Variants in ATP2A3 observed in about 807,000 individuals in gnomAD.
ATP2A3 encodes ATPase sarcoplasmic/endoplasmic reticulum Ca2+ transporting 3, also known as sarcoplasmic/endoplasmic reticulum calcium ATPase 3.
In ATP2A3, 61 loss-of-function variants were observed where a neutral mutation model predicts 106.8. The observed-to-expected ratio is 0.57, with a 90% CI of 0.46 to 0.71. The LOEUF (loss-of-function observed/expected upper bound fraction) is 0.71. Ranked by LOEUF, ATP2A3 falls within the 30% of genes least tolerant of loss-of-function variation. The pLI is 0.00. For synonymous variants in ATP2A3, 611 were observed against 609.3 expected (o/e 1.00, Z -0.04); for missense variants, 1,201 against 1,423.5 (o/e 0.84, Z 2.52).
intron 11 of ATP2A3, 48 bp downstream of exon 11, chr17:3,943,343 G>T: frequency 6.2e-7 from 1 of 1,609,080 alleles, no homozygotes. Context: ...AGATGTCCCA[G>T]AAGCCCCAGC....
Position 3,936,720 on chromosome 17 carries a change from GTACA to G in ATP2A3, c.2322-255_2322-252del. 2.2e-6 allele frequency: 1 copy of G among 450,366 alleles called. No individual in the cohort carries two copies. The highest frequency in any genetic ancestry group is 2.1e-5 in the South Asian group (1 of 48,058). The allele number at this position is 450,366 out of a possible 1,614,324, so 27.9% of individuals were successfully genotyped here. On this transcript the variant is annotated intron_variant, in intron 15 of 20. Transcript: ENST00000397041. The surrounding 1 kb of genome is among the most constrained non-coding windows in gnomAD (Gnocchi z 5.4). Reference sequence around the variant, plus strand: ...GCTCTTTAGGCCTAGCAGAGGCCAAGTACACACACACACACACACACACACACAC... The same window carrying G: ...GCTCTTTAGGCCTAGCAGAGGCCAAGCACACACACACACACACACACACAC...
At chr17:3,933,449 C>T (rs1161000215) in intron 17 of ATP2A3, among the ~76,000 whole-genome samples, 1 of 150,280 alleles carries the variant, frequency 6.7e-6, no homozygotes, top group Admixed American at 6.6e-5. Flanking sequence ...TTAGAAGGTG[C>T]GCTGGGGTCC....
Position 3,953,580 on chromosome 17 carries a change from C to G in ATP2A3, c.136+113G>C. ...CGCTGAGAGGCTCAGGTGGGTGATC[C>G]TGGGGAGCTCAGCAAGGCCTCACTC... On this transcript the variant is annotated intron_variant, in intron 2 of 20. Transcript: ENST00000397041. This position sits in a 1 kb window ranked among gnomAD's most constrained non-coding sequence, Gnocchi z 5.1. The G allele has an allele frequency of 6.6e-7, 1 of 1,510,316 alleles. No homozygotes were observed. Among genetic ancestry groups the G allele is most frequent in the Non-Finnish European group, 9.0e-7 (1 of 1,107,246 alleles). 93.6% of individuals were successfully genotyped at this position (1,510,316 alleles called of 1,614,324 possible).
In ATP2A3 at chr17:3,936,193, T is replaced by C. The variant is rs2053431624; in HGVS notation, c.2524+74A>G. The C allele has an allele frequency of 1.3e-6, 2 of 1,566,524 alleles. No homozygotes were observed. The highest frequency in any genetic ancestry group is 1.8e-6 in the Non-Finnish European group (2 of 1,137,634). On this transcript the variant is annotated intron_variant, in intron 16 of 20. Transcript: ENST00000397041. The surrounding 1 kb of genome is among the most constrained non-coding windows in gnomAD (Gnocchi z 5.4). ...GCACAAGCCAGGCTGAGTCACACTGTCTGCAGCTTGCAAGCCTGATACAAG... is the reference window on the plus strand; with the variant it reads ...GCACAAGCCAGGCTGAGTCACACTGCCTGCAGCTTGCAAGCCTGATACAAG...
Position 3,935,266 on chromosome 17 carries a change from G to A in ATP2A3, c.2536C>T (p.Leu846=). 1 of 1,613,798 alleles carries A rather than the reference G, an allele frequency of 6.2e-7. No individual in the cohort carries two copies. Among genetic ancestry groups the A allele is most frequent in the East Asian group, 2.2e-5 (1 of 44,880 alleles). ...CAGGTGGCGGCAGCCACTGTGGCCA[G>A]GCCTACGTACACTGCGGGGAAGGGA... is the stretch of plus-strand genomic sequence containing the variant. ...RYLAIGVYVG[L]ATVAAATWWF... is the part of the protein sequence containing the mutation. The change falls in exon 17 of 21, where the codon CTG becomes TTG. Residue 846 remains leucine, a synonymous_variant. Transcript: ENST00000397041.
At chr17:3,959,657 T>A (rs972131096) in intron 1 of ATP2A3, among the ~76,000 whole-genome samples, 2 of 152,218 alleles carry the variant, frequency 1.3e-5, no homozygotes, top group African/African-American at 2.4e-5. Context: ...CAAAGGTAAA[T>A]TTACAGAGCA....
intron 1 of ATP2A3, among the ~76,000 whole-genome samples, chr17:3,959,636 C>G (rs2055027379): frequency 6.6e-6 from 1 of 152,256 alleles, no homozygotes; most frequent in African/African-American, 2.4e-5. Context: ...AGCACTCACC[C>G]AGGTCTTCCT....
chr17:3,934,048 C>T (rs371938841), intron 17 of ATP2A3, among the ~76,000 whole-genome samples: 5 of 151,234 alleles, frequency 3.3e-5, no homozygotes, highest in African/African-American at 9.8e-5. Flanking sequence ...CTCAGCCTCC[C>T]GAGTAGCTGG....
rs751744159 is a variant in ATP2A3 at position 3,944,669 on chromosome 17, A to T, written c.1287+35T>A. The T allele has an allele frequency of 8.9e-5, 142 of 1,600,614 alleles. 1 individual carries two copies. Among genetic ancestry groups the T allele is most frequent in the Non-Finnish European group, 1.2e-4 (139 of 1,171,646 alleles). On this transcript the variant is annotated intron_variant, in intron 10 of 20. Transcript: ENST00000397041. ...AAAAGGGTCTGTCCTGGTCGCCTGG[A>T]TACTAGGGAGGTCATGAAAGGGGGT...
intron 3 of ATP2A3, among the ~76,000 whole-genome samples, chr17:3,951,950 C>T (rs1276815969): frequency 2.0e-5 from 3 of 152,190 alleles, no homozygotes; most frequent in Non-Finnish European, 4.4e-5. Flanking sequence ...CTGCCTGGAG[C>T]AGAGCATCTC....
At chr17:3,939,786 T>TTTAAAAA (rs1555558101) in intron 14 of ATP2A3, among the ~76,000 whole-genome samples, 3 of 50,492 alleles carry the variant, frequency 5.9e-5, no homozygotes, top group Non-Finnish European at 1.2e-4. Context: ...AGACTCTGTC[T>TTTAAAAA]AAAAAAAAAA....
Position 3,928,161 on chromosome 17 carries a change from T to C in ATP2A3, c.2980+502A>G. The C allele has an allele frequency of 6.2e-7, 1 of 1,604,132 alleles. No homozygotes were observed. Among genetic ancestry groups the C allele is most frequent in the Non-Finnish European group, 8.5e-7 (1 of 1,171,278 alleles). On this transcript the variant is annotated intron_variant, in intron 20 of 20. Transcript: ENST00000397041. The surrounding 1 kb of genome is among the most constrained non-coding windows in gnomAD (Gnocchi z 6.1). Reference sequence around the variant, plus strand: ...CCATCCTGTCCTCTCCACTCCGGGGTTAAGGCAGACCCAGAGCTGTGAGCT... The same window carrying C: ...CCATCCTGTCCTCTCCACTCCGGGGCTAAGGCAGACCCAGAGCTGTGAGCT...
At chr17:3,950,654 C>T (rs751122205) in intron 6 of ATP2A3, 39 bp downstream of exon 6, 3 of 1,613,594 alleles carry the variant, frequency 1.9e-6, no homozygotes, top group African/African-American at 2.7e-5. Flanking sequence ...TCCCTTAGTC[C>T]TGGCCCACTA....
intron 1 of ATP2A3, among the ~76,000 whole-genome samples, chr17:3,960,382 C>A (rs2055070264): frequency 6.6e-6 from 1 of 152,274 alleles, no homozygotes; most frequent in Non-Finnish European, 1.5e-5. Flanking sequence ...CACCTGGCAG[C>A]CCTGGGGCCA....
At chr17:3,950,639 G>C in intron 6 of ATP2A3, 43 bp from the exon 7 acceptor site, 1 of 1,613,308 alleles carries the variant, frequency 6.2e-7, no homozygotes, top group Non-Finnish European at 8.5e-7. Context: ...ATGAAGACAC[G>C]CCCATCCCTT....
chr17:3,964,164 G>GGCCCGGC lies in ATP2A3; in HGVS notation c.118+9_118+10insGCCGGGC. ...CCCGCTCCCCGGCCCGGCCCGGCCC[G>GGCCCGGC]CGCGCTCACCGTTGGGGCCGTAGCG... On this transcript the variant is annotated intron_variant, in intron 1 of 20. Coordinates refer to ENST00000397041, the MANE Select transcript of ATP2A3 (RefSeq NM_005173.4). 8.8e-7 allele frequency: 1 copy of GGCCCGGC among 1,132,876 alleles called. No individual in the cohort carries two copies. The highest frequency in any genetic ancestry group is 1.1e-6 in the Non-Finnish European group (1 of 922,788). 70.2% of individuals were successfully genotyped at this position (1,132,876 alleles called of 1,614,324 possible).
intron 1 of ATP2A3, among the ~76,000 whole-genome samples, chr17:3,961,288 G>A (rs763751295): frequency 7.2e-5 from 11 of 152,212 alleles, no homozygotes; most frequent in Non-Finnish European, 1.5e-4. Flanking sequence ...TAAAAAAGAT[G>A]TACAAGTAAA....
At chr17:3,943,592 C>A in intron 10 of ATP2A3, 70 bp from the exon 11 acceptor site, 1 of 1,599,570 alleles carries the variant, frequency 6.3e-7, no homozygotes, top group Non-Finnish European at 8.5e-7. Flanking sequence ...GCCTCACTCA[C>A]TCCTTGCCCC....
At position 3,944,919 on chromosome 17, in the gene ATP2A3, G is replaced by GGAGAT. The variant is rs1567703339; in HGVS notation, c.1185-114_1185-113insATCTC. 4,146 of 1,326,192 alleles carry GGAGAT rather than the reference G, an allele frequency of 3.1e-3. 140 individuals are homozygous for GGAGAT. The African/African-American group carries it at 0.059, about 19-fold the overall frequency. 82.2% of individuals were successfully genotyped at this position (1,326,192 alleles called of 1,614,324 possible). ...CGCCTCTTGGCCCCGCCCCCAGAAG[G>GGAGAT]GCTCCGCCTCCTGGCCCCGCCCCGG... On this transcript the variant is annotated intron_variant, in intron 9 of 20. Coordinates refer to ENST00000397041, the MANE Select transcript of ATP2A3 (RefSeq NM_005173.4).
Sources: allele counts gnomAD v4.1 joint callset (sites outside exome capture counted in the v4.1 genomes callset), GRCh38; gene constraint gnomAD v4.1.1; non-coding constraint Gnocchi (gnomAD v3.1); transcripts MANE v1.5; gene names NCBI Gene and HGNC (gene_info 2026-07-23, HGNC 2026-07-21).